Variants in BICRAL observed in about 807,000 individuals in gnomAD.
The protein encoded by BICRAL is BRD4-interacting chromatin-remodeling complex-associated protein-like.
BICRAL carries 8 observed loss-of-function variants against 91.8 expected under a neutral mutation model. The observed-to-expected ratio is 0.09, with a 90% CI of 0.05 to 0.16. The LOEUF (loss-of-function observed/expected upper bound fraction) is 0.16. Ranked by LOEUF, BICRAL falls within the 10% of genes least tolerant of loss-of-function variation. The pLI is 1.00. For synonymous variants in BICRAL, 445 were observed against 491.1 expected (o/e 0.91, Z 1.24); for missense variants, 1,038 against 1,310.9 (o/e 0.79, Z 3.21).
rs546137549 is a variant in BICRAL, at chr6:42,800,819, T to C, written c.-101-9487T>C. The stretch of plus-strand genomic sequence containing the variant: ...TAAAATGGAATTTTGTTTGTTAACA[T>C]TGTTATTTTCATAGGGTTTATTTTT... On this transcript the variant is annotated intron_variant, in intron 1 of 12. Coordinates refer to ENST00000314073, the MANE Select transcript of BICRAL (RefSeq NM_001393499.1). Among the ~76,000 whole-genome samples, 3 of 152,326 alleles carry C rather than the reference T, an allele frequency of 2.0e-5. No individual in the cohort carries two copies. The South Asian group carries it at 6.2e-4, about 32-fold the overall frequency.
chr6:42,798,918 T>C (rs1763491119), intron 1 of BICRAL, among the ~76,000 whole-genome samples: 1 of 138,162 alleles, frequency 7.2e-6, no homozygotes, highest in Non-Finnish European at 1.5e-5. Context: ...TAGACTATAT[T>C]GTTTTAAAAT....
At chr6:42,850,734 GAT>G (rs1765152662) in intron 6 of BICRAL, among the ~76,000 whole-genome samples, 1 of 151,616 alleles carries the variant, frequency 6.6e-6, no homozygotes, top group South Asian at 2.1e-4. Context: ...AAATACAAAA[GAT>G]AGCCAGGCAT....
intron 6 of BICRAL, among the ~76,000 whole-genome samples, chr6:42,842,317 G>A (rs1331872940): frequency 2.6e-5 from 4 of 152,198 alleles, no homozygotes; most frequent in African/African-American, 7.2e-5. Flanking sequence ...GAATTAGACA[G>A]CTGCAACAAT....
intron 2 of BICRAL, among the ~76,000 whole-genome samples, 199 bp from the exon 3 acceptor site, chr6:42,821,819 T>C (rs917273361): frequency 2.0e-5 from 3 of 152,222 alleles, no homozygotes; most frequent in African/African-American, 7.2e-5. Flanking sequence ...TTGTTTTCAA[T>C]AAAAAGTTTA....
chr6:42,765,223 G>C (rs1037374081), intron 1 of BICRAL, among the ~76,000 whole-genome samples: 1 of 152,170 alleles, frequency 6.6e-6, no homozygotes, highest in African/African-American at 2.4e-5. Flanking sequence ...CTATTACAAA[G>C]TTGCATTATT....
At chr6:42,798,525 C>T (rs1458678988) in intron 1 of BICRAL, among the ~76,000 whole-genome samples, 2 of 152,018 alleles carry the variant, frequency 1.3e-5, no homozygotes, top group South Asian at 2.1e-4. Context: ...GGTGAAACCC[C>T]GTCTCTACTA....
chr6:42,817,224 G>C (rs921834775), intron 2 of BICRAL, among the ~76,000 whole-genome samples: 9 of 151,430 alleles, frequency 5.9e-5, no homozygotes, highest in Non-Finnish European at 1.2e-4. Context: ...GGAACATAAT[G>C]TACATAATAT....
intron 6 of BICRAL, among the ~76,000 whole-genome samples, chr6:42,834,361 C>T (rs1326327531): frequency 6.6e-6 from 1 of 152,186 alleles, no homozygotes; most frequent in Non-Finnish European, 1.5e-5. Flanking sequence ...TAATTAGAAT[C>T]TTCCAGAAGA....
chr6:42,843,812 T>C (rs1230536365), intron 6 of BICRAL, among the ~76,000 whole-genome samples: 1 of 150,640 alleles, frequency 6.6e-6, no homozygotes, highest in Admixed American at 6.6e-5. Context: ...TTTTTTTTTT[T>C]TTTTTTGAGA....
intron 1 of BICRAL, among the ~76,000 whole-genome samples, chr6:42,790,296 C>G (rs1356361482): frequency 6.7e-6 from 1 of 149,772 alleles, no homozygotes; most frequent in Non-Finnish European, 1.5e-5. Flanking sequence ...GTAGCTGGGA[C>G]TATAGAAATG....
upstream of BICRAL, chr6:42,781,895 G>C (rs1264456714): frequency 1.4e-5 from 2 of 147,194 alleles, no homozygotes; most frequent in African/African-American, 2.5e-5. Context: ...CGGGCGCAGA[G>C]CATGAAGGCC....
At chr6:42,843,921 C>T (rs1374757185) in intron 6 of BICRAL, among the ~76,000 whole-genome samples, 1 of 150,690 alleles carries the variant, frequency 6.6e-6, no homozygotes, top group Non-Finnish European at 1.5e-5. Flanking sequence ...GCCTCAGCCT[C>T]CTGAGTAGCT....
In BICRAL at chr6:42,829,029, T is replaced by G; in HGVS notation, c.696T>G (p.Asp232Glu). The change falls in exon 6 of 13, where the codon GAT (aspartate) becomes GAG (glutamate). Residue 232 changes from aspartate to glutamate, a missense_variant. Coordinates refer to ENST00000314073, the MANE Select transcript of BICRAL (RefSeq NM_001393499.1). The part of the protein sequence containing the change: ...HPSMMTINNL[D>E]GSQIILKGSG... ...CCATGATGACTATTAATAACCTAGA[T>G]GGATCTCAAATCATATTAAAGGGCA... The G allele has an allele frequency of 6.2e-7, 1 of 1,614,008 alleles. No individual in the cohort carries two copies. The highest frequency in any genetic ancestry group is 8.5e-7 in the Non-Finnish European group (1 of 1,179,850).
At chr6:42,785,272 C>A (rs892591233) in intron 1 of BICRAL, among the ~76,000 whole-genome samples, 2 of 151,980 alleles carry the variant, frequency 1.3e-5, no homozygotes, top group Non-Finnish European at 2.9e-5. Flanking sequence ...ACAAACGTAG[C>A]CTTGAGGCCT....
At chr6:42,863,601 G>C (rs1041315787) in intron 12 of BICRAL, among the ~76,000 whole-genome samples, 1 of 152,184 alleles carries the variant, frequency 6.6e-6, no homozygotes, top group African/African-American at 2.4e-5. Flanking sequence ...TCTGTTTCCT[G>C]GTGTCTATCA....
intron 1 of BICRAL, among the ~76,000 whole-genome samples, chr6:42,758,064 A>G (rs1051657954): frequency 6.6e-6 from 1 of 152,006 alleles, no homozygotes; most frequent in Non-Finnish European, 1.5e-5. Context: ...CTTCTCTCTC[A>G]CTGGTCCACC....
At chr6:42,763,909 TAAAA>T (rs138073714) in intron 1 of BICRAL, among the ~76,000 whole-genome samples, 2 of 136,098 alleles carry the variant, frequency 1.5e-5, no homozygotes, top group Admixed American at 7.4e-5. Context: ...TTTAGTGCAT[TAAAA>T]AAAAAAAAAA....
chr6:42,829,975 A>G lies in BICRAL; in HGVS notation c.1642A>G (p.Thr548Ala), dbSNP rs1353396885. Residue 548 changes from threonine to alanine, a missense_variant, in exon 6 of 13, where the codon ACT (threonine) becomes GCT (alanine). Coordinates refer to ENST00000314073, the MANE Select transcript of BICRAL (RefSeq NM_001393499.1). ...SRFPAVSSAS[T>A]AHPSLGSAVQ... ...GTTCCCTGCTGTCAGCTCAGCCAGC[A>G]CTGCCCATCCTAGTCTTGGGTCTGC... 6.2e-6 allele frequency: 10 copies of G among 1,614,248 alleles called. No individual in the cohort carries two copies. Among genetic ancestry groups the G allele is most frequent in the Non-Finnish European group, 8.5e-6 (10 of 1,180,042 alleles).
intron 1 of BICRAL, among the ~76,000 whole-genome samples, chr6:42,794,199 A>G (rs907746938): frequency 6.6e-6 from 1 of 152,026 alleles, no homozygotes; most frequent in Non-Finnish European, 1.5e-5. Flanking sequence ...CTGACTTTAT[A>G]TGTCACATGA....
Sources: gnomAD v4.1 joint callset for allele counts (sites outside exome capture counted in the v4.1 genomes callset) on GRCh38, gnomAD v4.1.1 for gene constraint, MANE v1.5 for transcripts, NCBI Gene and HGNC (gene_info 2026-07-23, HGNC 2026-07-21) for gene names.